The following ZNF791 variants were observed in gnomAD, a reference collection of about 807,000 sequenced individuals.
ZNF791 encodes zinc finger protein 791.
A neutral mutation model predicts 11.5 loss-of-function variants in ZNF791; 4 were observed. The observed-to-expected ratio is 0.35, with a 90% CI of 0.17 to 0.80. The LOEUF (loss-of-function observed/expected upper bound fraction) is 0.80. ZNF791 is among the 30% of genes least tolerant of loss of function. The pLI, the probability that ZNF791 is intolerant of heterozygous loss-of-function variation, is 0.53. For missense variants in ZNF791, 559 were observed against 699.4 expected (o/e 0.80, Z 2.26); for synonymous variants, 212 against 228.1 (o/e 0.93, Z 0.64).
At chr19:12,619,009 A>C (rs1046265160) in intron 1 of ZNF791, among the ~76,000 whole-genome samples, 1 of 151,242 alleles carries the variant, frequency 6.6e-6, no homozygotes, top group African/African-American at 2.4e-5. Context: ...CACCATGCCC[A>C]GCTAATTTTT....
In ZNF791 at chr19:12,633,235, T is replaced by A. The variant is rs998366427; in HGVS notation, c.*3975T>A. The A allele has an allele frequency of 3.9e-5, 6 of 152,164 alleles. No homozygotes were observed. Among genetic ancestry groups the A allele is most frequent in the African/African-American group, 1.2e-4 (5 of 41,438 alleles). The allele number at this position is 152,164 out of a possible 1,614,324, so 9.4% of individuals were successfully genotyped here. A position where few individuals can be genotyped will look rare whatever the true frequency, so the allele number is the denominator to read the frequency against. On this transcript the variant is annotated 3_prime_UTR_variant, in exon 4 of 4. Transcript: ENST00000343325. ...CGAATTATTATTTTCGCCTTTTTTT[T>A]ATAATTCTGTCTGGGATTTGAATAG...
rs1599329158 is a variant in ZNF791 at position 12,629,407 on chromosome 19, A to G, written c.*147A>G. On this transcript the variant is annotated 3_prime_UTR_variant, in exon 4 of 4. Coordinates refer to ENST00000343325, the MANE Select transcript of ZNF791 (RefSeq NM_153358.3). ...CAAGATGATTCATGTATAGTCAGGT[A>G]CCACATAATCATGTTTCAGTCAGCA... 3.4e-6 allele frequency: 2 copies of G among 589,310 alleles called. No individual in the cohort carries two copies. Among genetic ancestry groups the G allele is most frequent in the East Asian group, 6.2e-5 (2 of 32,464 alleles). The allele number at this position is 589,310 out of a possible 1,614,324, so 36.5% of individuals were successfully genotyped here. A position where few individuals can be genotyped will look rare whatever the true frequency, so the allele number is the denominator to read the frequency against.
Position 12,624,624 on chromosome 19 carries a change from A to T in ZNF791, c.131-26A>T, listed in dbSNP as rs895035582. 3.2e-6 allele frequency: 5 copies of T among 1,540,680 alleles called. No homozygotes were observed. The African/African-American group carries it at 5.6e-5, about 17-fold the overall frequency. ...TTTGTATAATTTTTAATAATTTATC[A>T]TGATTATTCTTGATCTACATTTTAG... is the stretch of plus-strand genomic sequence containing the variant. On this transcript the variant is annotated intron_variant, in intron 2 of 3. Coordinates refer to ENST00000343325, the MANE Select transcript of ZNF791 (RefSeq NM_153358.3).
chr19:12,616,161 G>A (rs550959774), intron 1 of ZNF791, among the ~76,000 whole-genome samples: 1 of 152,126 alleles, frequency 6.6e-6, no homozygotes, highest in Non-Finnish European at 1.5e-5. Flanking sequence ...TTTATTTGCA[G>A]CTCCTTAGTG....
intron 2 of ZNF791, 44 bp downstream of exon 2, chr19:12,623,870 T>TGGGGGG: frequency 4.2e-6 from 3 of 712,912 alleles, no homozygotes; most frequent in Non-Finnish European, 6.1e-6. Flanking sequence ...TTTTTTTTTT[T>TGGGGGG]GGGGGGGGAC....
rs116810195 is a variant in ZNF791, at chr19:12,619,228, G to T, written c.4-4472G>T. Among the ~76,000 whole-genome samples the T allele has an allele frequency of 4.2e-3, 643 of 152,016 alleles. 6 individuals carry two copies. The highest frequency in any genetic ancestry group is 0.015 in the African/African-American group (611 of 41,476). On this transcript the variant is annotated intron_variant, in intron 1 of 3. Coordinates refer to ENST00000343325, the MANE Select transcript of ZNF791 (RefSeq NM_153358.3). ...GGTTGTGGTGTTTAGACTTTTTCAC[G>T]GTTTTGTTTTTGTTTGCTTTGTGGA...
intron 1 of ZNF791, among the ~76,000 whole-genome samples, chr19:12,617,263 T>C (rs1599321401): frequency 6.6e-6 from 1 of 151,740 alleles, no homozygotes; most frequent in Non-Finnish European, 1.5e-5. Context: ...GTAGCTGGGA[T>C]TACAGGCACG....
At chr19:12,619,303 A>G (rs1449456493) in intron 1 of ZNF791, among the ~76,000 whole-genome samples, 1 of 152,204 alleles carries the variant, frequency 6.6e-6, no homozygotes, top group Non-Finnish European at 1.5e-5. Context: ...CAAACGCACA[A>G]TAAATTCTCT....
At chr19:12,617,018 A>G (rs142204209) in intron 1 of ZNF791, among the ~76,000 whole-genome samples, 56 of 152,220 alleles carry the variant, frequency 3.7e-4, no homozygotes, top group African/African-American at 1.3e-3. Flanking sequence ...TTGTGGGTGT[A>G]TGAGAGTTTA....
At position 12,622,385 on chromosome 19, in the gene ZNF791, AAT is replaced by A. The variant is rs1234773656; in HGVS notation, c.4-1313_4-1312del. 7.3e-4 allele frequency among the ~76,000 whole-genome samples: 97 copies of A among 132,190 alleles called. 2 individuals are homozygous for A. Among genetic ancestry groups the A allele is most frequent in the African/African-American group, 1.1e-3 (36 of 33,244 alleles). The allele number at this position is 132,190 out of a possible 152,430, so 86.7% of individuals were successfully genotyped here. A position where few individuals can be genotyped will look rare whatever the true frequency, so the allele number is the denominator to read the frequency against. Reference sequence around the variant, plus strand: ...ATTAAAAAAAATAATAAATAAAAAAAATAATAAAAAAAAGACTGTCTCAAACA... The same window carrying A: ...ATTAAAAAAAATAATAAATAAAAAAAAATAAAAAAAAGACTGTCTCAAACA... On this transcript the variant is annotated intron_variant, in intron 1 of 3. Coordinates refer to ENST00000343325, the MANE Select transcript of ZNF791 (RefSeq NM_153358.3).
chr19:12,620,131 C>A (rs2023316876), intron 1 of ZNF791, among the ~76,000 whole-genome samples: 1 of 151,908 alleles, frequency 6.6e-6, no homozygotes, highest in Non-Finnish European at 1.5e-5. Flanking sequence ...TCTCGATCTT[C>A]TGACCTCGTG....
At chr19:12,613,085 GT>G (rs1359788731) in intron 1 of ZNF791, among the ~76,000 whole-genome samples, 1 of 151,950 alleles carries the variant, frequency 6.6e-6, no homozygotes, top group Admixed American at 6.6e-5. Flanking sequence ...AGCCTCCCAA[GT>G]ACCTGGGATT....
At chr19:12,611,284 A>G (rs895974528) in intron 1 of ZNF791, among the ~76,000 whole-genome samples, 1 of 152,160 alleles carries the variant, frequency 6.6e-6, no homozygotes, top group Non-Finnish European at 1.5e-5. Context: ...CGTCTTTCCC[A>G]GATCGTGCAG....
chr19:12,627,714 T>A lies in ZNF791; in HGVS notation c.192-7T>A. 1.3e-6 allele frequency: 2 copies of A among 1,596,058 alleles called. No homozygotes were observed. Among genetic ancestry groups the A allele is most frequent in the South Asian group, 2.2e-5 (2 of 89,636 alleles). ...ACCAGTATTACCGTGCTTCTAATTT[T>A]TTACAGAAGCCATACGGGAGAGAGA... On this transcript the variant is annotated splice_region_variant and splice_polypyrimidine_tract_variant and intron_variant, in intron 3 of 3. Transcript: ENST00000343325.
chr19:12,611,187 A>T, intron 1 of ZNF791, 105 bp downstream of exon 1: 1 of 1,477,280 alleles, frequency 6.8e-7, no homozygotes. Flanking sequence ...GGCAGCTGGA[A>T]CTCCAAGCGT....
At chr19:12,611,924 T>C (rs1199046722) in intron 1 of ZNF791, among the ~76,000 whole-genome samples, 1 of 152,166 alleles carries the variant, frequency 6.6e-6, no homozygotes, top group Non-Finnish European at 1.5e-5. Context: ...ATATAAAATA[T>C]ATGTTATCAG....
At chr19:12,618,839 G>C (rs1338920738) in intron 1 of ZNF791, among the ~76,000 whole-genome samples, 1 of 138,000 alleles carries the variant, frequency 7.2e-6, no homozygotes. Context: ...GTGTGTGTGT[G>C]TGTGTGTGTG....
chr19:12,623,876 G>GGT (rs2023390259), intron 2 of ZNF791, 50 bp downstream of exon 2: 1 of 833,968 alleles, frequency 1.2e-6, no homozygotes, highest in Non-Finnish European at 1.8e-6. Flanking sequence ...TTTTTGGGGG[G>GGT]GGACAGAGTT....
At chr19:12,618,873 G>C (rs570109629) in intron 1 of ZNF791, among the ~76,000 whole-genome samples, 7 of 149,718 alleles carry the variant, frequency 4.7e-5, no homozygotes, top group Non-Finnish European at 7.4e-5. Context: ...TTTTGAGATG[G>C]AGTCTCACTC....
Sources: allele counts gnomAD v4.1 joint callset (sites outside exome capture counted in the v4.1 genomes callset), GRCh38; gene constraint gnomAD v4.1.1; transcripts MANE v1.5; gene names NCBI Gene and HGNC (gene_info 2026-07-23, HGNC 2026-07-21).